The following PRLR variants were observed in gnomAD, a reference collection of about 807,000 sequenced individuals.
The protein encoded by PRLR is prolactin receptor.
PRLR carries 13 observed loss-of-function variants against 40.2 expected under a neutral mutation model. The ratio of observed to expected loss-of-function variants is 0.32; its 90% CI spans 0.21 to 0.51. The LOEUF is 0.51. Ranked by LOEUF, PRLR falls within the 20% of genes least tolerant of loss-of-function variation. The pLI is 0.97. For synonymous variants in PRLR, 269 were observed against 278.7 expected (o/e 0.97, Z 0.35); for missense variants, 656 against 747.3 (o/e 0.88, Z 1.42).
chr5:35,187,127 A>C (rs1030740245), intron 1 of PRLR, among the ~76,000 whole-genome samples: 1 of 152,166 alleles, frequency 6.6e-6, no homozygotes, highest in Non-Finnish European at 1.5e-5. Flanking sequence ...CTGGTCAGGC[A>C]TGGTGGCTTA....
chr5:35,137,063 T>C (rs1773881292), intron 1 of PRLR, among the ~76,000 whole-genome samples: 1 of 152,186 alleles, frequency 6.6e-6, no homozygotes, highest in Admixed American at 6.5e-5. Flanking sequence ...TCTGGTACTC[T>C]TCAATTTCTA....
At chr5:35,137,948 G>A (rs745682633) in intron 1 of PRLR, among the ~76,000 whole-genome samples, 2 of 151,990 alleles carry the variant, frequency 1.3e-5, no homozygotes, top group African/African-American at 4.8e-5. Flanking sequence ...GCAAAATAAA[G>A]GGTTAAAATA....
chr5:35,191,586 G>A (rs1011760186), intron 1 of PRLR, among the ~76,000 whole-genome samples: 49 of 152,164 alleles, frequency 3.2e-4, no homozygotes, highest in Non-Finnish European at 1.2e-4. Context: ...TTCTGCTAAT[G>A]CAGATCTAAT....
At chr5:35,185,427 T>C (rs188994877) in intron 1 of PRLR, among the ~76,000 whole-genome samples, 4 of 151,024 alleles carry the variant, frequency 2.6e-5, no homozygotes, top group Non-Finnish European at 4.4e-5. Context: ...AAGGTAAGTT[T>C]CCTAAAAAAA....
intron 1 of PRLR, among the ~76,000 whole-genome samples, chr5:35,140,123 A>G (rs1489150267): frequency 2.0e-5 from 3 of 152,214 alleles, no homozygotes; most frequent in African/African-American, 7.2e-5. Flanking sequence ...TGATTACTCA[A>G]GATCTGAGTG....
intron 1 of PRLR, among the ~76,000 whole-genome samples, chr5:35,132,127 T>C (rs78467283): frequency 0.057 from 8,623 of 152,188 alleles, 387 homozygotes; most frequent in African/African-American, 0.11. Flanking sequence ...TCTCTCAGGG[T>C]TTCTATTTTA....
At chr5:35,102,854 T>A (rs1161775671) in intron 2 of PRLR, among the ~76,000 whole-genome samples, 1 of 152,094 alleles carries the variant, frequency 6.6e-6, no homozygotes, top group African/African-American at 2.4e-5. Context: ...TTTTCTTTTT[T>A]AATGTCTTTT....
At chr5:35,173,122 A>G (rs1419543866) in intron 1 of PRLR, among the ~76,000 whole-genome samples, 2 of 151,666 alleles carry the variant, frequency 1.3e-5, no homozygotes, top group Non-Finnish European at 1.5e-5. Context: ...CACATTGTTC[A>G]CTCGTTTTGT....
chr5:35,194,272 G>T (rs893621463), intron 1 of PRLR, among the ~76,000 whole-genome samples: 2 of 152,126 alleles, frequency 1.3e-5, no homozygotes, highest in Non-Finnish European at 2.9e-5. Context: ...CATGGTTCCT[G>T]CCCTCATGAC....
At chr5:35,226,244 C>T (rs1479583432) in intron 1 of PRLR, among the ~76,000 whole-genome samples, 1 of 152,232 alleles carries the variant, frequency 6.6e-6, no homozygotes, top group Non-Finnish European at 1.5e-5. Flanking sequence ...CTCCAAAAGA[C>T]ATTATCTCAA....
intron 1 of PRLR, among the ~76,000 whole-genome samples, chr5:35,122,029 A>C (rs1015202440): frequency 6.6e-6 from 1 of 152,210 alleles, no homozygotes; most frequent in African/African-American, 2.4e-5. Flanking sequence ...ACAATTAACA[A>C]ATGAGAAAAT....
intron 2 of PRLR, among the ~76,000 whole-genome samples, chr5:35,104,463 T>C (rs988674532): frequency 1.3e-5 from 2 of 152,066 alleles, no homozygotes; most frequent in African/African-American, 4.8e-5. Context: ...GGAAATTCCC[T>C]TTACTAGCCA....
At chr5:35,116,015 C>G (rs538689077) in intron 2 of PRLR, among the ~76,000 whole-genome samples, 1 of 152,168 alleles carries the variant, frequency 6.6e-6, no homozygotes, top group Admixed American at 6.5e-5. Flanking sequence ...TCTTGGATGA[C>G]CATGCAACTG....
At chr5:35,164,146 G>A (rs182058169) in intron 1 of PRLR, among the ~76,000 whole-genome samples, 71 of 152,300 alleles carry the variant, frequency 4.7e-4, no homozygotes, top group East Asian at 7.7e-4. Context: ...AACTGTCCAC[G>A]TCTCCTTGGC....
intron 6 of PRLR, among the ~76,000 whole-genome samples, chr5:35,071,322 G>A (rs968927151): frequency 6.6e-6 from 1 of 152,144 alleles, no homozygotes; most frequent in Non-Finnish European, 1.5e-5. Flanking sequence ...AGGATATAAC[G>A]ACCAGTTACA....
At chr5:35,217,658 A>G (rs926076572) in intron 1 of PRLR, among the ~76,000 whole-genome samples, 6 of 152,238 alleles carry the variant, frequency 3.9e-5, no homozygotes, top group Non-Finnish European at 7.3e-5. Context: ...AGAGGGGGAC[A>G]TTTTTATGAA....
chr5:35,124,450 C>T (rs1446424371), intron 1 of PRLR, among the ~76,000 whole-genome samples: 1 of 152,110 alleles, frequency 6.6e-6, no homozygotes, highest in East Asian at 1.9e-4. Flanking sequence ...AGAAAAGGGA[C>T]TTTCAACTCC....
At chr5:35,078,234 A>G (rs959937795) in intron 5 of PRLR, among the ~76,000 whole-genome samples, 5 of 152,222 alleles carry the variant, frequency 3.3e-5, no homozygotes, top group African/African-American at 1.2e-4. Flanking sequence ...TAGAGACACA[A>G]AAAACCTTCA....
intron 2 of PRLR, among the ~76,000 whole-genome samples, chr5:35,092,603 G>A (rs906762952): frequency 1.3e-5 from 2 of 152,064 alleles, no homozygotes; most frequent in Admixed American, 6.5e-5. Context: ...GATCTTGATC[G>A]AGGGCAGGCG....
Sources: gnomAD v4.1 joint callset for allele counts (sites outside exome capture counted in the v4.1 genomes callset) on GRCh38, gnomAD v4.1.1 for gene constraint, MANE v1.5 for transcripts, NCBI Gene and HGNC (gene_info 2026-07-23, HGNC 2026-07-21) for gene names.